NOTCH1: variants seen among roughly 807,000 people sequenced by gnomAD.
NOTCH1 encodes the protein neurogenic locus notch homolog protein 1.
Under a neutral mutation model 254.8 loss-of-function variants are expected in NOTCH1, and 37 were observed. The observed-to-expected ratio is 0.15, with a 90% CI of 0.11 to 0.19. The LOEUF is 0.19. NOTCH1 is among the 10% of genes least tolerant of loss of function. NOTCH1 has a pLI of 1.00. For synonymous variants in NOTCH1, 1,731 were observed against 1,618.1 expected, an observed-to-expected ratio of 1.07 and a Z score of -1.68; for missense variants, 2,972 against 3,708.6, an observed-to-expected ratio of 0.80 and a Z score of 5.16.
intron 6 of NOTCH1, 119 bp downstream of exon 6, chr9:136,518,472 A>G: frequency 8.9e-7 from 1 of 1,127,434 alleles, no homozygotes; most frequent in Non-Finnish European, 1.3e-6. Context: ...CTCCCTGACC[A>G]GAAAGGCCCT....
chr9:136,509,871 T>G lies in NOTCH1; in HGVS notation c.2831A>C (p.Glu944Ala). ...LPGFRGTFCE[E>A]DINECASDPC... is the part of the protein sequence containing the mutation. Reference sequence around the variant, plus strand: ...GTCACTGGCACACTCGTTGATGTCCTCCTCACAGAAAGTGCCCCGGAAGCC... The same window carrying G: ...GTCACTGGCACACTCGTTGATGTCCGCCTCACAGAAAGTGCCCCGGAAGCC... Residue 944 changes from glutamate to alanine, a missense_variant, in exon 18 of 34, where the codon GAG (glutamate) becomes GCG (alanine). Glu to Ala is a moderately radical substitution (Grantham distance 107). Around this residue, in one of 8 missense-constraint regions of NOTCH1, gnomAD observed 1,343 missense variants for 1,557.0 expected, o/e 0.86. Coordinates refer to ENST00000651671, the MANE Select transcript of NOTCH1 (RefSeq NM_017617.5). 6.2e-7 allele frequency: 1 copy of G among 1,613,134 alleles called. No homozygotes were observed. The highest frequency in any genetic ancestry group is 8.5e-7 in the Non-Finnish European group (1 of 1,180,012).
chr9:136,511,089 C>T, intron 16 of NOTCH1, 63 bp downstream of exon 16: 2 of 1,610,622 alleles, frequency 1.2e-6, no homozygotes, highest in African/African-American at 1.3e-5. Context: ...CTGGGAGCTG[C>T]CTGTGTCCCG....
chr9:136,504,266 G>C (rs2133335009), intron 26 of NOTCH1, among the ~76,000 whole-genome samples: 1 of 152,322 alleles, frequency 6.6e-6, no homozygotes, highest in Non-Finnish European at 1.5e-5. Flanking sequence ...CGAACTCCTG[G>C]GCTCAAGGGC....
At chr9:136,502,171 G>C in intron 28 of NOTCH1, 83 bp from the exon 29 acceptor site, 1 of 1,587,778 alleles carries the variant, frequency 6.3e-7, no homozygotes, top group South Asian at 1.1e-5. Context: ...CCTGGCGTGG[G>C]AGGTGGGCCC....
chr9:136,497,019 G>A lies in NOTCH1; in HGVS notation c.6720C>T (p.Thr2240=), dbSNP rs1471699997. 6 of 1,609,508 alleles carry A rather than the reference G, an allele frequency of 3.7e-6. No individual in the cohort carries two copies. The highest frequency in any genetic ancestry group is 4.2e-6 in the Non-Finnish European group (5 of 1,178,382). Residue 2240 remains threonine, a synonymous_variant, in exon 34 of 34, where the codon ACC becomes ACT. Coordinates refer to ENST00000651671, the MANE Select transcript of NOTCH1 (RefSeq NM_017617.5). The stretch of plus-strand genomic sequence containing the variant: ...CGTTCAGGTGCCCGATGCCCAGGTG[G>A]GTGTCGGGCATCCCAGGCAGGTGGT... The part of the protein sequence containing the change: ...PLNHLPGMPD[T]HLGIGHLNVA...
rs1843204678 is a variant in NOTCH1 at position 136,512,956 on chromosome 9, GCACAGGTCCCGCCCCTCCCA to G, written c.2467+45_2467+64del. 6 of 418,418 alleles carry G rather than the reference GCACAGGTCCCGCCCCTCCCA, an allele frequency of 1.4e-5. No homozygotes were observed. The Admixed American group carries it at 1.9e-4, about 13-fold the overall frequency. 25.9% of individuals were successfully genotyped at this position (418,418 alleles called of 1,614,324 possible). ...TCCAGCACAGGCTCCGCCCTCTCCA[GCACAGGTCCCGCCCCTCCCA>G]CATAGGCCCCGCCCCCTCCAGCACA... is the stretch of plus-strand genomic sequence containing the variant. On this transcript the variant is annotated intron_variant, in intron 15 of 33. Transcript: ENST00000651671.
chr9:136,524,634 CTTTTCTTTTTTT>C (rs1354195517), intron 2 of NOTCH1, among the ~76,000 whole-genome samples: 1 of 127,802 alleles, frequency 7.8e-6, no homozygotes, highest in Non-Finnish European at 1.6e-5. Flanking sequence ...CTTTCTTTTT[CTTTTCTTTTTTT>C]TTTTTTTTTT....
intron 2 of NOTCH1, among the ~76,000 whole-genome samples, chr9:136,527,468 G>A (rs1843482197): frequency 6.6e-6 from 1 of 152,218 alleles, no homozygotes; most frequent in Non-Finnish European, 1.5e-5. Flanking sequence ...CGCGCCCACG[G>A]GGATCCTCAG....
Position 136,506,661 on chromosome 9 carries a change from T to C in NOTCH1, c.3902-22A>G. 10 of 1,600,202 alleles carry C rather than the reference T, an allele frequency of 6.2e-6. No homozygotes were observed. The highest frequency in any genetic ancestry group is 8.5e-6 in the Non-Finnish European group (10 of 1,174,242). ...CGCCCTAGGGGTAAGAGCAGGGCAG[T>C]GAGAGGCTCACCCTGCTGCCCCACA... is the stretch of plus-strand genomic sequence containing the variant. On this transcript the variant is annotated intron_variant, in intron 23 of 33. Transcript: ENST00000651671. The surrounding 1 kb of genome is among the most constrained non-coding windows in gnomAD (Gnocchi z 4.5).
intron 25 of NOTCH1, 97 bp downstream of exon 25, chr9:136,505,213 G>C: frequency 6.6e-7 from 1 of 1,521,046 alleles, no homozygotes; most frequent in Non-Finnish European, 8.9e-7. Flanking sequence ...TGCACCCCCT[G>C]AGCAGAGCCT....
At chr9:136,499,690 C>T (rs543381174) in intron 31 of NOTCH1, among the ~76,000 whole-genome samples, 97 of 152,278 alleles carry the variant, frequency 6.4e-4, no homozygotes, top group African/African-American at 2.3e-3. Flanking sequence ...GTGGGCAGCC[C>T]TTGTAATGCA....
At position 136,509,974 on chromosome 9, in the gene NOTCH1, G is replaced by A. The variant is rs545249713; in HGVS notation, c.2741-13C>T. ...TTGTGACACGGGTCTGGGAGAGGAC[G>A]GAAGGGTGAGTGTGAGGGGCAGGCA... On this transcript the variant is annotated splice_polypyrimidine_tract_variant and intron_variant, in intron 17 of 33. Transcript: ENST00000651671. 16 of 1,610,712 alleles carry A rather than the reference G, an allele frequency of 9.9e-6. No individual in the cohort carries two copies. The highest frequency in any genetic ancestry group is 2.2e-5 in the East Asian group (1 of 44,876).
intron 7 of NOTCH1, 24 bp downstream of exon 7, chr9:136,518,113 C>A (rs370943888): frequency 6.4e-7 from 1 of 1,571,634 alleles, no homozygotes; most frequent in East Asian, 2.3e-5. Context: ...CCCACCTGGC[C>A]GCACCCCCTG....
At chr9:136,524,875 A>G (rs1216556160) in intron 2 of NOTCH1, among the ~76,000 whole-genome samples, 1 of 151,858 alleles carries the variant, frequency 6.6e-6, no homozygotes, top group Non-Finnish European at 1.5e-5. Flanking sequence ...TGACCTCGTG[A>G]TCTGCCCGCC....
chr9:136,530,617 C>T (rs1001026141), intron 2 of NOTCH1, among the ~76,000 whole-genome samples: 3 of 152,186 alleles, frequency 2.0e-5, no homozygotes, highest in Non-Finnish European at 4.4e-5. Context: ...GTGTGAAAAA[C>T]GCCTGCTGGA....
rs1843147969 is a variant in NOTCH1 at position 136,509,752 on chromosome 9, T to C, written c.2950A>G (p.Thr984Ala). 1 of 1,612,886 alleles carries C rather than the reference T, an allele frequency of 6.2e-7. No individual in the cohort carries two copies. Among genetic ancestry groups the C allele is most frequent in the Non-Finnish European group, 8.5e-7 (1 of 1,179,932 alleles). ...GCACACCTCTCTGTGCAGTCAGGCG[T>C]GTTGTTCTCACAGTGGATCCCGCTG... Reference protein sequence around the residue: ...GFSGIHCENNTPDCTESSCFN... With the variant: ...GFSGIHCENNAPDCTESSCFN... The change falls in exon 18 of 34, where the codon ACG becomes GCG. Residue 984 changes from threonine (T) to alanine (A), a missense_variant. This residue lies in a region of NOTCH1 where 1,343 missense variants were observed against 1,557.0 expected (regional missense o/e 0.86). Transcript: ENST00000651671.
chr9:136,526,440 A>G (rs1843461518), intron 2 of NOTCH1, among the ~76,000 whole-genome samples: 1 of 152,210 alleles, frequency 6.6e-6, no homozygotes. Context: ...AGCCTGGCCC[A>G]TGCAAGCTGG....
At chr9:136,510,933 C>G (rs1424820739) in intron 16 of NOTCH1, 128 bp from the exon 17 acceptor site, 11 of 1,406,294 alleles carry the variant, frequency 7.8e-6, no homozygotes, top group Non-Finnish European at 9.8e-6. Context: ...CCAGGACCAT[C>G]CCCTCTCCCC....
In NOTCH1 at chr9:136,518,778, A is replaced by G. The variant is rs1060504522; in HGVS notation, c.912T>C (p.Asn304=). 1 of 1,612,826 alleles carries G rather than the reference A, an allele frequency of 6.2e-7. No individual in the cohort carries two copies. Among genetic ancestry groups the G allele is most frequent in the Non-Finnish European group, 8.5e-7 (1 of 1,179,968 alleles). The change falls in exon 6 of 34, where the codon AAT becomes AAC. Residue 304 remains asparagine (N), a synonymous_variant. Transcript: ENST00000651671. ...GGCAGGTCCCGCCGTTCTGGCAGGC[A>G]TTTGGCATCAGCTGGCACTCGTCCA... ...EDVDECQLMP[N]ACQNGGTCHN... is the part of the protein sequence containing the mutation.
Sources: gnomAD v4.1 joint callset for allele counts (sites outside exome capture counted in the v4.1 genomes callset) on GRCh38, gnomAD v4.1.1 for gene constraint, gnomAD v4.1.1 regional missense constraint, Gnocchi (gnomAD v3.1) non-coding constraint, MANE v1.5 for transcripts, NCBI Gene and HGNC (gene_info 2026-07-23, HGNC 2026-07-21) for gene names.